BRCA2: variants seen among roughly 807,000 people sequenced by gnomAD.
The protein encoded by BRCA2 is BRCA2 DNA repair associated.
Under a neutral mutation model 276.7 loss-of-function variants are expected in BRCA2, and 203 were observed. The observed-to-expected ratio is 0.73, with a 90% CI of 0.65 to 0.82. BRCA2 has a LOEUF of 0.82. Ranked by LOEUF, BRCA2 falls within the 40% of genes least tolerant of loss-of-function variation. The pLI is 0.00. For missense variants in BRCA2, 3,920 were observed against 3,915.0 expected (o/e 1.00, Z -0.03); for synonymous variants, 1,289 against 1,338.4 (o/e 0.96, Z 0.81).
At position 32,379,526 on chromosome 13, in the gene BRCA2, A is replaced by C. The variant is rs2137620876; in HGVS notation, c.8953+11A>C. On this transcript the variant is annotated intron_variant, in intron 22 of 26. Transcript: ENST00000380152. ...AAGAAAAAGATTCAGGTAAGTATGT[A>C]AATGCTTTGTTTTTATCAGTTTTAT... 1 of 1,610,740 alleles carries C rather than the reference A, an allele frequency of 6.2e-7. No individual in the cohort carries two copies. Among genetic ancestry groups the C allele is most frequent in the Non-Finnish European group, 8.5e-7 (1 of 1,178,666 alleles).
At position 32,332,972 on chromosome 13, in the gene BRCA2, T is replaced by G. The variant is rs900882465; in HGVS notation, c.1494T>G (p.Phe498Leu). 1 of 1,595,662 alleles carries G rather than the reference T, an allele frequency of 6.3e-7. No individual in the cohort carries two copies. The highest frequency in any genetic ancestry group is 8.5e-7 in the Non-Finnish European group (1 of 1,175,622). ...GAACTTCTCCAGTGGCTTCTTCATT[T>G]CAGGGTATCAAAAAGTCTATATTCA... ...ISGTSPVASS[F>L]QGIKKSIFRI... Residue 498 changes from phenylalanine (F) to leucine (L), a missense_variant, in exon 10 of 27, where the codon TTT becomes TTG. By Grantham distance (22) the Phe-to-Leu change is conservative. Coordinates refer to ENST00000380152, the MANE Select transcript of BRCA2 (RefSeq NM_000059.4).
At position 32,399,201 on chromosome 13, in the gene BRCA2, T is replaced by C. The variant is rs970436637; in HGVS notation, c.*431T>C. ...CTTTGGATTTGATCACTACAAGTAT[T>C]ATTTTACAAGTGAAATAAACATACC... is the stretch of plus-strand genomic sequence containing the variant. On this transcript the variant is annotated 3_prime_UTR_variant, in exon 27 of 27. Transcript: ENST00000380152. 2.8e-5 allele frequency: 6 copies of C among 213,184 alleles called. No individual in the cohort carries two copies. Among genetic ancestry groups the C allele is most frequent in the Admixed American group, 5.7e-5 (1 of 17,426 alleles). The allele number at this position is 213,184 out of a possible 1,614,324, so 13.2% of individuals were successfully genotyped here. A position where few individuals can be genotyped will look rare whatever the true frequency, so the allele number is the denominator to read the frequency against.
intron 13 of BRCA2, among the ~76,000 whole-genome samples, chr13:32,350,809 C>T (rs1566239183): frequency 6.6e-6 from 1 of 152,010 alleles, no homozygotes; most frequent in African/African-American, 2.4e-5. Context: ...ATTAATACTA[C>T]ATATACTTTA....
intron 20 of BRCA2, chr13:32,375,294 G>A (rs1360237886): frequency 5.1e-6 from 2 of 390,422 alleles, no homozygotes; most frequent in South Asian, 4.1e-5. Flanking sequence ...CACATCTTCA[G>A]GCTTTACTTC....
rs574050843 is a variant in BRCA2, at chr13:32,372,638, T to A, written c.8632+1538T>A. Reference sequence around the variant, plus strand: ...CTCCCTCAACACATGGGGATTACAATTTGAGATGAGATTTGGGTAGGGACA... The same window carrying A: ...CTCCCTCAACACATGGGGATTACAAATTGAGATGAGATTTGGGTAGGGACA... On this transcript the variant is annotated intron_variant, in intron 20 of 26. Coordinates refer to ENST00000380152, the MANE Select transcript of BRCA2 (RefSeq NM_000059.4). Among the ~76,000 whole-genome samples, 4 of 152,238 alleles carry A rather than the reference T, an allele frequency of 2.6e-5. No homozygotes were observed. In the South Asian group the frequency reaches 8.3e-4, roughly 32 times the overall value.
intron 4 of BRCA2, among the ~76,000 whole-genome samples, chr13:32,325,783 G>A (rs1009203875): frequency 1.4e-4 from 21 of 151,706 alleles, no homozygotes; most frequent in South Asian, 8.3e-4. Context: ...CTCGTGATCC[G>A]CCCGCCTCAG....
At position 32,333,052 on chromosome 13, in the gene BRCA2, C is replaced by G. The variant is rs397507271; in HGVS notation, c.1574C>G (p.Thr525Ser). The G allele has an allele frequency of 5.0e-6, 8 of 1,608,372 alleles. No individual in the cohort carries two copies. In the Admixed American group the frequency reaches 1.2e-4, roughly 24 times the overall value. The change falls in exon 10 of 27, where the codon ACT becomes AGT. Residue 525 changes from threonine (T) to serine (S), a missense_variant. Physicochemically the swap from Thr to Ser is moderately conservative, Grantham distance 58. Coordinates refer to ENST00000380152, the MANE Select transcript of BRCA2 (RefSeq NM_000059.4). ...TFNASFSGHMTDPNFKKETEA... is the reference protein window; with the variant it reads ...TFNASFSGHMSDPNFKKETEA... ...AATGCAAGTTTTTCAGGTCATATGA[C>G]TGATCCAAACTTTAAAAAAGAAACT...
Position 32,340,040 on chromosome 13 carries a change from G to A in BRCA2, c.5685G>A (p.Glu1895=), listed in dbSNP as rs749491255. The change falls in exon 11 of 27, where the codon GAG becomes GAA. Residue 1895 remains glutamate, a synonymous_variant. Coordinates refer to ENST00000380152, the MANE Select transcript of BRCA2 (RefSeq NM_000059.4). ...CQTKIMAGCY[E]ALDDSEDILH... The stretch of plus-strand genomic sequence containing the variant: ...CGAAAATTATGGCAGGTTGTTACGA[G>A]GCATTGGATGATTCAGAGGATATTC... The A allele has an allele frequency of 6.2e-7, 1 of 1,613,572 alleles. No homozygotes were observed. Among genetic ancestry groups the A allele is most frequent in the South Asian group, 1.1e-5 (1 of 90,996 alleles).
At position 32,332,597 on chromosome 13, in the gene BRCA2, G is replaced by A. The variant is rs2137467821; in HGVS notation, c.1119G>A (p.Gln373=). 6.2e-7 allele frequency: 1 copy of A among 1,613,952 alleles called. No homozygotes were observed. Among genetic ancestry groups the A allele is most frequent in the Non-Finnish European group, 8.5e-7 (1 of 1,179,944 alleles). ...CATTAGATTCAAATGTAGCAAATCA[G>A]AAGCCCTTTGAGAGTGGAAGTGACA... ...TDPLDSNVAN[Q]KPFESGSDKI... is the part of the protein sequence containing the mutation. The change falls in exon 10 of 27, where the codon CAG becomes CAA. Residue 373 remains glutamine, a synonymous_variant. Coordinates refer to ENST00000380152, the MANE Select transcript of BRCA2 (RefSeq NM_000059.4).
At position 32,355,207 on chromosome 13, in the gene BRCA2, A is replaced by G. The variant is rs398122580; in HGVS notation, c.7354A>G (p.Asn2452Asp). 1 of 1,613,462 alleles carries G rather than the reference A, an allele frequency of 6.2e-7. No homozygotes were observed. Among genetic ancestry groups the G allele is most frequent in the Non-Finnish European group, 8.5e-7 (1 of 1,179,464 alleles). ...SDDSKNKIND[N>D]EIHQFNKNNS... Reference sequence around the variant, plus strand: ...TGATAGTAAAAATAAGATTAATGACAATGAGATTCATCAGTTTAACAAAAA... The same window carrying G: ...TGATAGTAAAAATAAGATTAATGACGATGAGATTCATCAGTTTAACAAAAA... The change falls in exon 14 of 27, where the codon AAT becomes GAT. Residue 2452 changes from asparagine (N) to aspartate (D), a missense_variant. Transcript: ENST00000380152.
chr13:32,371,171 A>G (rs2137601588), intron 20 of BRCA2, 71 bp downstream of exon 20: 1 of 1,504,090 alleles, frequency 6.6e-7, no homozygotes, highest in Non-Finnish European at 9.1e-7. Flanking sequence ...TTTGAATTTA[A>G]CATTTTTAAT....
intron 15 of BRCA2, among the ~76,000 whole-genome samples, chr13:32,357,244 A>G (rs188232234): frequency 2.6e-5 from 4 of 152,350 alleles, no homozygotes; most frequent in Admixed American, 6.5e-5. Context: ...TGGAAGTGCT[A>G]TGATTCCAAA....
At position 32,398,920 on chromosome 13, in the gene BRCA2, A is replaced by G; in HGVS notation, c.*150A>G. On this transcript the variant is annotated 3_prime_UTR_variant, in exon 27 of 27. Transcript: ENST00000380152. The stretch of plus-strand genomic sequence containing the variant: ...TTACCTCAGCGTTTGTGTATCGGGC[A>G]AAAATCGTTTTGCCCGATTCCGTAT... 9.4e-7 allele frequency: 1 copy of G among 1,067,232 alleles called. No homozygotes were observed. The highest frequency in any genetic ancestry group is 1.8e-5 in the South Asian group (1 of 56,304). 66.1% of individuals were successfully genotyped at this position (1,067,232 alleles called of 1,614,324 possible).
intron 3 of BRCA2, 152 bp downstream of exon 3, chr13:32,319,477 G>A: frequency 1.3e-6 from 1 of 758,040 alleles, no homozygotes; most frequent in Non-Finnish European, 2.1e-6. Flanking sequence ...TGGAGACGAT[G>A]AAAATAATGT....
Position 32,396,988 on chromosome 13 carries a change from T to C in BRCA2, c.9592T>C (p.Cys3198Arg), listed in dbSNP as rs80359229. The C allele has an allele frequency of 1.1e-4, 178 of 1,614,002 alleles. No individual in the cohort carries two copies. Among genetic ancestry groups the C allele is most frequent in the Non-Finnish European group, 1.5e-4 (175 of 1,179,990 alleles). ...CAAGTGGTCCACCCCAACTAAAGAC[T>C]GTACTTCAGGGCCGTACACTGCTCA... ...DPKWSTPTKD[C>R]TSGPYTAQII... Residue 3198 changes from cysteine (C) to arginine (R), a missense_variant, in exon 26 of 27, where the codon TGT (cysteine) becomes CGT (arginine). Cys to Arg is a radical substitution (Grantham distance 180). Around this residue, in one of 2 missense-constraint regions of BRCA2, gnomAD observed 657 missense variants for 758.2 expected, o/e 0.87. Coordinates refer to ENST00000380152, the MANE Select transcript of BRCA2 (RefSeq NM_000059.4).
chr13:32,339,972 GTAAT>G lies in BRCA2; in HGVS notation c.5621_5624del (p.Ile1874ArgfsTer34), dbSNP rs80359526. The G allele has an allele frequency of 6.2e-7, 1 of 1,610,912 alleles. No individual in the cohort carries two copies. Among genetic ancestry groups the G allele is most frequent in the Non-Finnish European group, 8.5e-7 (1 of 1,178,940 alleles). On this transcript the variant is annotated frameshift_variant, in exon 11 of 27. Transcript: ENST00000380152. LOFTEE classifies it high-confidence loss of function. ...CATATTTACAGACAGTTTCAGTAAAGTAATTAAGGAAAACAACGAGAATAAATCA... is the reference window on the plus strand; with the variant it reads ...CATATTTACAGACAGTTTCAGTAAAGTAAGGAAAACAACGAGAATAAATCA...
Position 32,340,668 on chromosome 13 carries a change from A to G in BRCA2, c.6313A>G (p.Ile2105Val), listed in dbSNP as rs397507368. The change falls in exon 11 of 27, where the codon ATA becomes GTA. Residue 2105 changes from isoleucine to valine, a missense_variant. Physicochemically the swap from Ile to Val is conservative, Grantham distance 29. This residue lies in a region of BRCA2 where 3,263 missense variants were observed against 3,156.9 expected (regional missense o/e 1.03). Coordinates refer to ENST00000380152, the MANE Select transcript of BRCA2 (RefSeq NM_000059.4). ...TACGTCTAGACAAAATGTATCAAAA[A>G]TACTTCCTCGTGTTGATAAGAGAAA... ...SPTSRQNVSK[I>V]LPRVDKRNPE... The G allele has an allele frequency of 6.2e-7, 1 of 1,607,960 alleles. No individual in the cohort carries two copies. Among genetic ancestry groups the G allele is most frequent in the East Asian group, 2.2e-5 (1 of 44,796 alleles).
In BRCA2 at chr13:32,333,131, CT is replaced by C. The variant is rs80359297; in HGVS notation, c.1654del (p.Ser552ProfsTer6). On this transcript the variant is annotated frameshift_variant, in exon 10 of 27. Coordinates refer to ENST00000380152, the MANE Select transcript of BRCA2 (RefSeq NM_000059.4). LOFTEE classifies it high-confidence loss of function. ...IHTVCSQKED[S>X]LCPNLIDNGS... ...ATACTGTTTGCTCACAGAAGGAGGACTCCTTATGTCCAAATTTAATTGATAA... is the reference window on the plus strand; with the variant it reads ...ATACTGTTTGCTCACAGAAGGAGGACCCTTATGTCCAAATTTAATTGATAA... The C allele has an allele frequency of 6.2e-7, 1 of 1,614,036 alleles. No individual in the cohort carries two copies. Among genetic ancestry groups the C allele is most frequent in the Non-Finnish European group, 8.5e-7 (1 of 1,180,000 alleles).
rs1555287074 is a variant in BRCA2 at position 32,363,493 on chromosome 13, C to G, written c.8291C>G (p.Ala2764Gly). The G allele has an allele frequency of 1.2e-6, 2 of 1,614,020 alleles. No individual in the cohort carries two copies. The highest frequency in any genetic ancestry group is 8.5e-7 in the Non-Finnish European group (1 of 1,179,974). Residue 2764 changes from alanine (A) to glycine (G), a missense_variant, in exon 18 of 27, where the codon GCC becomes GGC. Transcript: ENST00000380152. ...HGAELVGSPDACTPLEAPESL... is the reference protein window; with the variant it reads ...HGAELVGSPDGCTPLEAPESL... ...GCAGAACTGGTGGGCTCTCCTGATG[C>G]CTGTACACCTCTTGAAGCCCCAGAA...
Sources: allele counts gnomAD v4.1 joint callset (sites outside exome capture counted in the v4.1 genomes callset), GRCh38; gene constraint gnomAD v4.1.1; regional missense constraint gnomAD v4.1.1; transcripts MANE v1.5; gene names NCBI Gene and HGNC (gene_info 2026-07-23, HGNC 2026-07-21).